The following NEK5 variants were observed in gnomAD, a reference collection of about 807,000 sequenced individuals.
NEK5 encodes the protein NIMA related kinase 5, also known as serine/threonine-protein kinase Nek5.
A neutral mutation model predicts 109.2 loss-of-function variants in NEK5; 88 were observed. The ratio of observed to expected loss-of-function variants is 0.81; its 90% CI spans 0.68 to 0.96. The LOEUF (loss-of-function observed/expected upper bound fraction) is 0.96, where lower values mean the gene tolerates loss of function less well. Among genes scored for constraint, NEK5 ranks in the 40% least tolerant of loss-of-function variants. The pLI, the probability that NEK5 is intolerant of heterozygous loss-of-function variation, is 0.00. For synonymous variants in NEK5, 283 were observed against 299.9 expected (o/e 0.94, Z 0.58); for missense variants, 834 against 920.7 (o/e 0.91, Z 1.22).
At chr13:52,060,613 C>T (rs536412386) in intron 22 of NEK5, among the ~76,000 whole-genome samples, 24 of 151,868 alleles carry the variant, frequency 1.6e-4, no homozygotes, top group African/African-American at 5.6e-4. Context: ...CCCAAAGTGC[C>T]GGGATTACAG....
At chr13:52,061,454 T>C (rs1954614100) in intron 22 of NEK5, among the ~76,000 whole-genome samples, 1 of 152,208 alleles carries the variant, frequency 6.6e-6, no homozygotes, top group African/African-American at 2.4e-5. Context: ...TGATATTATG[T>C]TGTATTTTTA....
intron 22 of NEK5, among the ~76,000 whole-genome samples, chr13:52,054,677 C>A (rs940224173): frequency 2.6e-5 from 4 of 151,202 alleles, no homozygotes; most frequent in African/African-American, 9.9e-5. Flanking sequence ...AGGCACCCCC[C>A]AGCAGGGGCA....
intron 17 of NEK5, 82 bp from the exon 18 acceptor site, chr13:52,076,225 AATAAC>A (rs1244140562): frequency 3.7e-5 from 28 of 750,196 alleles, no homozygotes; most frequent in Middle Eastern, 5.8e-4. Context: ...TGATTGATTT[AATAAC>A]AAAAACAAGC....
rs139770840 is a variant in NEK5 at position 52,098,976 on chromosome 13, A to G, written c.1026+767T>C. On this transcript the variant is annotated intron_variant, in intron 12 of 23. Transcript: ENST00000684899. Reference sequence around the variant, plus strand: ...CTTAATGGGTTAAAAAAACAAAAGAATGAATAAGACCTACTATTTGATAGC... The same window carrying G: ...CTTAATGGGTTAAAAAAACAAAAGAGTGAATAAGACCTACTATTTGATAGC... 6.6e-4 allele frequency among the ~76,000 whole-genome samples: 100 copies of G among 152,292 alleles called. 1 individual carries two copies. The highest frequency in any genetic ancestry group is 2.3e-3 in the African/African-American group (94 of 41,572).
intron 15 of NEK5, among the ~76,000 whole-genome samples, chr13:52,086,777 T>TA (rs1294055978): frequency 6.6e-6 from 1 of 151,804 alleles, no homozygotes; most frequent in African/African-American, 2.4e-5. Flanking sequence ...AGTGGGCCCT[T>TA]AGTTCAATAT....
intron 7 of NEK5, among the ~76,000 whole-genome samples, chr13:52,109,933 G>T (rs1054375639): frequency 3.3e-5 from 5 of 152,122 alleles, no homozygotes; most frequent in Admixed American, 6.6e-5. Flanking sequence ...TTGGGTACAT[G>T]TTCTTAGGAT....
At chr13:52,122,935 C>T (rs1392391587) in intron 3 of NEK5, among the ~76,000 whole-genome samples, 1 of 152,170 alleles carries the variant, frequency 6.6e-6, no homozygotes, top group Non-Finnish European at 1.5e-5. Context: ...TCTCCTTTGG[C>T]TCTTTTCAAA....
At chr13:52,122,526 T>G (rs1220257418) in intron 3 of NEK5, among the ~76,000 whole-genome samples, 2 of 152,192 alleles carry the variant, frequency 1.3e-5, no homozygotes, top group African/African-American at 4.8e-5. Flanking sequence ...CCCAGCACTT[T>G]GGGAGGCCAA....
chr13:52,042,349 G>A (rs538514780), intron 23 of NEK5, among the ~76,000 whole-genome samples: 43 of 150,780 alleles, frequency 2.9e-4, no homozygotes, highest in African/African-American at 9.9e-4. Context: ...GGCAAAGTGA[G>A]TTACATTTGA....
chr13:52,106,024 T>G (rs1308857350), intron 8 of NEK5, among the ~76,000 whole-genome samples: 4 of 152,058 alleles, frequency 2.6e-5, no homozygotes, highest in Non-Finnish European at 5.9e-5. Context: ...ATTCAAATTC[T>G]TGAAAAGCAG....
intron 22 of NEK5, among the ~76,000 whole-genome samples, chr13:52,053,394 G>A (rs1954525245): frequency 6.6e-6 from 1 of 152,146 alleles, no homozygotes; most frequent in African/African-American, 2.4e-5. Flanking sequence ...CTGTGTGTAT[G>A]TTTATATGTA....
At chr13:52,123,246 G>A (rs911049398) in intron 3 of NEK5, among the ~76,000 whole-genome samples, 9 of 152,184 alleles carry the variant, frequency 5.9e-5, no homozygotes, top group Admixed American at 2.6e-4. Flanking sequence ...AGGTAAATTC[G>A]ATAACATAAA....
chr13:52,061,082 T>G (rs1014514800), intron 22 of NEK5, among the ~76,000 whole-genome samples: 2 of 152,188 alleles, frequency 1.3e-5, no homozygotes, highest in African/African-American at 4.8e-5. Flanking sequence ...CCCCAACCTT[T>G]CTGGCACCAG....
At chr13:52,069,419 A>T (rs1296463135) in intron 20 of NEK5, among the ~76,000 whole-genome samples, 1 of 152,194 alleles carries the variant, frequency 6.6e-6, no homozygotes, top group Non-Finnish European at 1.5e-5. Flanking sequence ...TTCTCACTCC[A>T]GTCCTTCTGC....
intron 17 of NEK5, among the ~76,000 whole-genome samples, chr13:52,079,456 C>T (rs983760084): frequency 2.0e-5 from 3 of 152,242 alleles, no homozygotes; most frequent in Non-Finnish European, 2.9e-5. Flanking sequence ...CGCACCGCCA[C>T]GCCTGACTGG....
chr13:52,128,682 G>C (rs1042693346), intron 1 of NEK5, among the ~76,000 whole-genome samples: 4 of 152,092 alleles, frequency 2.6e-5, no homozygotes, highest in African/African-American at 9.7e-5. Context: ...CTTGGGGCCG[G>C]GGGTGACTCG....
intron 8 of NEK5, among the ~76,000 whole-genome samples, chr13:52,106,572 C>T (rs1482440691): frequency 6.6e-6 from 1 of 152,008 alleles, no homozygotes; most frequent in African/African-American, 2.4e-5. Flanking sequence ...TCAAGACCAG[C>T]CCGACCAACA....
At chr13:52,056,859 T>C (rs1954560742) in intron 22 of NEK5, among the ~76,000 whole-genome samples, 2 of 151,396 alleles carry the variant, frequency 1.3e-5, no homozygotes, top group African/African-American at 4.8e-5. Flanking sequence ...AGATCCAAAA[T>C]TGACACCCTA....
At chr13:52,092,786 C>T (rs539890804) in intron 13 of NEK5, among the ~76,000 whole-genome samples, 38 of 152,022 alleles carry the variant, frequency 2.5e-4, no homozygotes, top group African/African-American at 8.9e-4. Context: ...CTGGAGAGGC[C>T]GAGGCACGAG....
Sources: allele counts gnomAD v4.1 joint callset (sites outside exome capture counted in the v4.1 genomes callset), GRCh38; gene constraint gnomAD v4.1.1; transcripts MANE v1.5; gene names NCBI Gene and HGNC (gene_info 2026-07-23, HGNC 2026-07-21).